Variants in SNTG1 observed in about 807,000 individuals in gnomAD.
The protein encoded by SNTG1 is syntrophin gamma 1.
A neutral mutation model predicts 74.7 loss-of-function variants in SNTG1; 39 were observed. That is an observed-to-expected ratio of 0.52 (90% CI 0.40 to 0.68). SNTG1 has a LOEUF of 0.68. Among genes scored for constraint, SNTG1 ranks in the 30% least tolerant of loss-of-function variants. The pLI, the probability that SNTG1 is intolerant of heterozygous loss-of-function variation, is 0.00. For synonymous variants in SNTG1, 254 were observed against 217.1 expected (o/e 1.17, Z -1.49); for missense variants, 685 against 609.5 (o/e 1.12, Z -1.30).
At chr8:50,703,113 A>T (rs563238745) in intron 15 of SNTG1, among the ~76,000 whole-genome samples, 1 of 152,246 alleles carries the variant, frequency 6.6e-6, no homozygotes, top group South Asian at 2.1e-4. Flanking sequence ...ATTTATAAGA[A>T]GTATTTTTTT....
intron 13 of SNTG1, among the ~76,000 whole-genome samples, chr8:50,597,838 A>G (rs182168142): frequency 4.1e-4 from 62 of 151,944 alleles, no homozygotes; most frequent in Middle Eastern, 3.4e-3. Context: ...TTAAATGTAA[A>G]TGTTGGCCAT....
chr8:50,335,146 G>A (rs1317124064), intron 2 of SNTG1, among the ~76,000 whole-genome samples: 3 of 152,120 alleles, frequency 2.0e-5, no homozygotes, highest in Non-Finnish European at 4.4e-5. Context: ...TCAGCATTTA[G>A]GGCTGCATTT....
chr8:50,277,981 C>A (rs1232782871), intron 2 of SNTG1, among the ~76,000 whole-genome samples: 3 of 152,044 alleles, frequency 2.0e-5, no homozygotes, highest in Admixed American at 6.6e-5. Context: ...TCAGGCCAGC[C>A]TGGACAACAT....
chr8:50,247,147 C>G (rs949410820), intron 2 of SNTG1, among the ~76,000 whole-genome samples: 1 of 152,108 alleles, frequency 6.6e-6, no homozygotes, highest in Non-Finnish European at 1.5e-5. Flanking sequence ...AGGGAACGAA[C>G]AAGATGAATA....
intron 4 of SNTG1, among the ~76,000 whole-genome samples, chr8:50,410,020 A>T (rs553822704): frequency 1.3e-5 from 2 of 152,352 alleles, no homozygotes; most frequent in South Asian, 4.1e-4. Flanking sequence ...TGTGGAATAA[A>T]ACACACAATT....
At chr8:50,684,844 G>A (rs944336626) in intron 15 of SNTG1, among the ~76,000 whole-genome samples, 13 of 148,466 alleles carry the variant, frequency 8.8e-5, no homozygotes, top group Non-Finnish European at 1.3e-4. Flanking sequence ...CCACTAACTC[G>A]TCATCTACCA....
At chr8:50,185,377 C>G (rs1252367291) in intron 2 of SNTG1, among the ~76,000 whole-genome samples, 1 of 152,186 alleles carries the variant, frequency 6.6e-6, no homozygotes, top group Non-Finnish European at 1.5e-5. Context: ...TCGATTAAAC[C>G]TTTTTCTTTA....
At chr8:50,090,435 G>A (rs1037485270) in intron 1 of SNTG1, among the ~76,000 whole-genome samples, 1 of 152,246 alleles carries the variant, frequency 6.6e-6, no homozygotes, top group African/African-American at 2.4e-5. Context: ...CTTCATGGTG[G>A]TAAGATAGCT....
At chr8:50,620,771 G>T (rs2094917806) in intron 13 of SNTG1, among the ~76,000 whole-genome samples, 1 of 152,034 alleles carries the variant, frequency 6.6e-6, no homozygotes, top group South Asian at 2.1e-4. Context: ...CTCACTCAAG[G>T]AGTTATCTTT....
At chr8:50,682,037 C>G (rs2095332964) in intron 15 of SNTG1, among the ~76,000 whole-genome samples, 1 of 152,182 alleles carries the variant, frequency 6.6e-6, no homozygotes, top group African/African-American at 2.4e-5. Context: ...TGTTGTGACA[C>G]TGGTGTTAGA....
chr8:50,531,194 T>G (rs2094264220), intron 10 of SNTG1, among the ~76,000 whole-genome samples: 1 of 152,160 alleles, frequency 6.6e-6, no homozygotes, highest in Admixed American at 6.6e-5. Context: ...GCTGAGTACC[T>G]TAGGCCCTCA....
chr8:49,934,169 T>C (rs1807835986), intron 1 of SNTG1, among the ~76,000 whole-genome samples: 1 of 152,106 alleles, frequency 6.6e-6, no homozygotes, highest in Non-Finnish European at 1.5e-5. Context: ...CTCTAGTCTT[T>C]ATAAGGTATA....
intron 2 of SNTG1, among the ~76,000 whole-genome samples, chr8:50,363,355 G>C (rs2092015065): frequency 6.6e-6 from 1 of 152,152 alleles, no homozygotes; most frequent in South Asian, 2.1e-4. Context: ...AACAGTTGTG[G>C]CCTATGTGCA....
At chr8:50,380,010 A>G (rs964668969) in intron 2 of SNTG1, among the ~76,000 whole-genome samples, 1 of 152,224 alleles carries the variant, frequency 6.6e-6, no homozygotes, top group African/African-American at 2.4e-5. Flanking sequence ...AGGATGGCAG[A>G]GAAATTGGAG....
chr8:50,631,227 T>A (rs1209522739), intron 13 of SNTG1, among the ~76,000 whole-genome samples: 1 of 152,352 alleles, frequency 6.6e-6, no homozygotes, highest in African/African-American at 2.4e-5. Flanking sequence ...TGTATACATT[T>A]CCTGTCTCAG....
chr8:50,110,754 T>C (rs1195380381), intron 1 of SNTG1, among the ~76,000 whole-genome samples: 1 of 151,898 alleles, frequency 6.6e-6, no homozygotes, highest in Admixed American at 6.6e-5. Flanking sequence ...ACTACTGTAG[T>C]GCAAAAACAG....
chr8:50,301,306 C>T (rs1018056931), intron 2 of SNTG1, among the ~76,000 whole-genome samples: 2 of 151,810 alleles, frequency 1.3e-5, no homozygotes. Flanking sequence ...ACTGATTTAA[C>T]TTTAGGTTCA....
chr8:50,715,371 A>G (rs1259616682), intron 17 of SNTG1, among the ~76,000 whole-genome samples: 1 of 152,194 alleles, frequency 6.6e-6, no homozygotes, highest in African/African-American at 2.4e-5. Flanking sequence ...GATTGCTTTT[A>G]TTATTATTTA....
intron 17 of SNTG1, among the ~76,000 whole-genome samples, chr8:50,733,901 T>C (rs1206071167): frequency 6.6e-6 from 1 of 151,874 alleles, no homozygotes; most frequent in Non-Finnish European, 1.5e-5. Context: ...ACTAAATGAA[T>C]TTGTAATTTC....
Sources: allele counts gnomAD v4.1 joint callset (sites outside exome capture counted in the v4.1 genomes callset), GRCh38; gene constraint gnomAD v4.1.1; transcripts MANE v1.5; gene names NCBI Gene and HGNC (gene_info 2026-07-23, HGNC 2026-07-21).